The following CAST variants were observed in gnomAD, a reference collection of about 807,000 sequenced individuals.
The protein encoded by CAST is MIR583 host.
CAST carries 76 observed loss-of-function variants against 119.6 expected under a neutral mutation model. That is an observed-to-expected ratio of 0.64 (90% CI 0.53 to 0.77). CAST has a LOEUF of 0.77. Among genes scored for constraint, CAST ranks in the 30% least tolerant of loss-of-function variants. The pLI is 0.00. For missense variants in CAST, 953 were observed against 946.5 expected (o/e 1.01, Z -0.09); for synonymous variants, 319 against 331.6 (o/e 0.96, Z 0.41).
the CAST span, among the ~76,000 whole-genome samples, chr5:96,153,665 T>A: frequency 6.6e-6 from 1 of 152,214 alleles, no homozygotes; most frequent in Non-Finnish European, 1.5e-5. Context: ...GATTATTCTA[T>A]AAACATACTG....
At chr5:96,219,837 A>C in the CAST span, among the ~76,000 whole-genome samples, 1 of 152,178 alleles carries the variant, frequency 6.6e-6, no homozygotes, top group Non-Finnish European at 1.5e-5. Context: ...AGAGAAAGGT[A>C]GGTGGTTGGC....
rs199527990 is a variant in CAST at position 96,534,939 on chromosome 5, A to G, written c.60+5059A>G. On this transcript the variant is annotated intron_variant, in intron 1 of 11. Transcript: ENST00000505143. ...AAGAAAAGGAATAAAGAAAGAAAGA[A>G]AGAGAAAGGGAAAGAAAGAAAGAAA... 1.2e-3 allele frequency among the ~76,000 whole-genome samples: 89 copies of G among 75,070 alleles called. 2 individuals carry two copies. Among genetic ancestry groups the G allele is most frequent in the South Asian group, 1.6e-3 (3 of 1,848 alleles). 49.2% of individuals were successfully genotyped at this position (75,070 alleles called of 152,430 possible). A position where few individuals can be genotyped will look rare whatever the true frequency, so the allele number is the denominator to read the frequency against.
intron 16 of CAST, 45 bp from the exon 17 acceptor site, chr5:96,746,297 T>C: frequency 9.7e-7 from 1 of 1,032,154 alleles, no homozygotes; most frequent in Non-Finnish European, 1.5e-6. Context: ...CATCTCATTA[T>C]GTGCATTATC....
chr5:96,709,511 C>T (rs984179871), intron 3 of CAST, among the ~76,000 whole-genome samples: 6 of 152,150 alleles, frequency 3.9e-5, no homozygotes, highest in African/African-American at 1.4e-4. Context: ...ATTCAGTATT[C>T]TCATGTCTGG....
Position 96,616,539 on chromosome 5 carries a change from T to C in CAST, c.61-59000T>C, listed in dbSNP as rs111437771. 2.0e-4 allele frequency among the ~76,000 whole-genome samples: 31 copies of C among 152,166 alleles called. 1 individual carries two copies. Among genetic ancestry groups the C allele is most frequent in the Admixed American group, 1.2e-3 (18 of 15,290 alleles). On this transcript the variant is annotated intron_variant, in intron 1 of 11. Coordinates refer to the CAST transcript ENST00000505143. ...AATTAACTTGCATGTATCATCACAC[T>C]CCATCCTCACCAAGATTCTCTGAGG...
the CAST span, among the ~76,000 whole-genome samples, chr5:96,417,382 G>A: frequency 2.6e-5 from 4 of 151,932 alleles, no homozygotes; most frequent in Non-Finnish European, 5.9e-5. Flanking sequence ...TTTTATGTAT[G>A]CTAGCATTTT....
chr5:96,691,635 G>A (rs993960793), intron 2 of CAST, among the ~76,000 whole-genome samples: 3 of 152,120 alleles, frequency 2.0e-5, no homozygotes, highest in Non-Finnish European at 2.9e-5. Flanking sequence ...ACAGTCCTCA[G>A]GATATGTTGT....
the CAST span, chr5:96,422,022 A>G: frequency 2.4e-6 from 2 of 847,468 alleles, no homozygotes; most frequent in Non-Finnish European, 3.9e-6. Flanking sequence ...AAAAAAAAGC[A>G]TCACTTCCCA....
At chr5:96,291,252 A>G in the CAST span, among the ~76,000 whole-genome samples, 1 of 152,236 alleles carries the variant, frequency 6.6e-6, no homozygotes, top group Non-Finnish European at 1.5e-5. Context: ...CAATTATTAT[A>G]ATTTAAAGCC....
chr5:96,433,125 T>G, the CAST span: 5 of 1,305,546 alleles, frequency 3.8e-6, no homozygotes, highest in Non-Finnish European at 5.5e-6. Flanking sequence ...AGACTCCCCC[T>G]TCCCACCCTC....
chr5:96,162,590 G>T, the CAST span, among the ~76,000 whole-genome samples: 1 of 151,992 alleles, frequency 6.6e-6, no homozygotes. Context: ...GCTAATTTTT[G>T]TATTTTTAGT....
chr5:96,728,143 G>A (rs1581151056), intron 6 of CAST, among the ~76,000 whole-genome samples: 1 of 152,180 alleles, frequency 6.6e-6, no homozygotes, highest in Admixed American at 6.5e-5. Flanking sequence ...ATAAGGTGCT[G>A]CATTTTATTT....
rs1406759760 is a variant in CAST at position 96,764,026 on chromosome 5, T to C, written c.1933-1195T>C. On this transcript the variant is annotated intron_variant, in intron 25 of 31. Transcript: ENST00000675179. ...GTGGGCATCAAATAAAACTGGATAG[T>C]GTATGTGAAAACATTTTGAAAATCA... Among the ~76,000 whole-genome samples the C allele has an allele frequency of 5.9e-5, 9 of 151,988 alleles. No homozygotes were observed. In the South Asian group the frequency reaches 1.9e-3, roughly 32 times the overall value.
chr5:96,592,872 C>G (rs1023656435), intron 1 of CAST, among the ~76,000 whole-genome samples: 6 of 152,010 alleles, frequency 3.9e-5, no homozygotes, highest in Non-Finnish European at 8.8e-5. Context: ...TCATGCCATT[C>G]TCCTGCCTCA....
At chr5:96,272,543 A>G in the CAST span, among the ~76,000 whole-genome samples, 3 of 152,182 alleles carry the variant, frequency 2.0e-5, no homozygotes, top group Non-Finnish European at 2.9e-5. Context: ...TGTGAGAGCT[A>G]AAAAAGTGGA....
chr5:96,378,073 C>G, the CAST span, among the ~76,000 whole-genome samples: 1 of 152,076 alleles, frequency 6.6e-6, no homozygotes, highest in African/African-American at 2.4e-5. Flanking sequence ...AACACAAATA[C>G]TGCATGACTT....
chr5:96,657,361 G>C (rs1748178944), upstream of CAST, among the ~76,000 whole-genome samples: 1 of 152,088 alleles, frequency 6.6e-6, no homozygotes, highest in Admixed American at 6.5e-5. Flanking sequence ...CATGCCTTCT[G>C]GATAGGCTAC....
chr5:96,522,964 G>A (rs4869139), upstream of CAST, among the ~76,000 whole-genome samples: 58,691 of 152,040 alleles, frequency 0.39, 11,582 homozygotes, highest in East Asian at 0.56. Context: ...ATATTTCAAA[G>A]TAATAAGTTA....
At chr5:96,100,612 A>G in the CAST span, among the ~76,000 whole-genome samples, 2 of 152,164 alleles carry the variant, frequency 1.3e-5, no homozygotes, top group Non-Finnish European at 2.9e-5. Context: ...GGGCTTGGGC[A>G]AGTGACATAA....
Sources: gnomAD v4.1 joint callset for allele counts (sites outside exome capture counted in the v4.1 genomes callset) on GRCh38, gnomAD v4.1.1 for gene constraint, MANE v1.5 for transcripts, NCBI Gene and HGNC (gene_info 2026-07-23, HGNC 2026-07-21) for gene names.